KCNQ1: variants seen among roughly 807,000 people sequenced by gnomAD.
KCNQ1 encodes the protein potassium voltage-gated channel subfamily Q member 1.
A neutral mutation model predicts 72.4 loss-of-function variants in KCNQ1; 49 were observed. That is an observed-to-expected ratio of 0.68 (90% CI 0.54 to 0.86). The LOEUF (loss-of-function observed/expected upper bound fraction) is 0.86. KCNQ1 is among the 40% of genes least tolerant of loss of function. The probability of loss-of-function intolerance (pLI) is 0.00; values close to 1 mark genes in which losing one functional copy is unlikely to be tolerated. For synonymous variants in KCNQ1, 450 were observed against 412.6 expected (o/e 1.09, Z -1.10); for missense variants, 790 against 945.1 (o/e 0.84, Z 2.15).
intron 2 of KCNQ1, among the ~76,000 whole-genome samples, chr11:2,548,756 T>C (rs1211417706): frequency 6.6e-6 from 1 of 152,234 alleles, no homozygotes; most frequent in Non-Finnish European, 1.5e-5. Context: ...GGTGTTGGGC[T>C]CTGGCGGTGG....
At position 2,654,650 on chromosome 11, in the gene KCNQ1, G is replaced by C. The variant is rs1849811188; in HGVS notation, c.1394-7311G>C. On this transcript the variant is annotated intron_variant, in intron 10 of 15. Coordinates refer to ENST00000155840, the MANE Select transcript of KCNQ1 (RefSeq NM_000218.3). The surrounding 1 kb of genome is among the most constrained non-coding windows in gnomAD (Gnocchi z 6.4). Reference sequence around the variant, plus strand: ...CCAGACACTGGCGAGAGTCTCTTGAGGGCAGAGGGCAGCAGAGATGGGCTG... The same window carrying C: ...CCAGACACTGGCGAGAGTCTCTTGACGGCAGAGGGCAGCAGAGATGGGCTG... 1 of 398,840 alleles carries C rather than the reference G, an allele frequency of 2.5e-6. No individual in the cohort carries two copies. The highest frequency in any genetic ancestry group is 1.3e-4 in the South Asian group (1 of 7,868). 24.7% of individuals were successfully genotyped at this position (398,840 alleles called of 1,614,324 possible). A position where few individuals can be genotyped will look rare whatever the true frequency, so the allele number is the denominator to read the frequency against.
intron 15 of KCNQ1, among the ~76,000 whole-genome samples, chr11:2,819,793 G>A (rs1310447864): frequency 6.6e-6 from 1 of 152,140 alleles, no homozygotes; most frequent in African/African-American, 2.4e-5. Flanking sequence ...TGGCATTTGT[G>A]TCTCCCCAAT....
At chr11:2,773,130 C>T (rs1846629555) in intron 12 of KCNQ1, among the ~76,000 whole-genome samples, 2 of 151,038 alleles carry the variant, frequency 1.3e-5, no homozygotes, top group Admixed American at 6.6e-5. Flanking sequence ...GAGAAGAGAG[C>T]GTAGAATCTC....
chr11:2,589,131 G>A (rs912701827), intron 10 of KCNQ1, among the ~76,000 whole-genome samples: 1 of 152,228 alleles, frequency 6.6e-6, no homozygotes, highest in African/African-American at 2.4e-5. Context: ...ACTGAGGGAA[G>A]GGTGTGTTCC....
At chr11:2,554,765 T>C (rs1319573697) in intron 2 of KCNQ1, among the ~76,000 whole-genome samples, 6 of 152,354 alleles carry the variant, frequency 3.9e-5, no homozygotes, top group African/African-American at 1.4e-4. Context: ...CCGTTTACTG[T>C]GTAAACTTCA....
Position 2,662,095 on chromosome 11 carries a change from T to TGTGC in KCNQ1, c.1514+18_1514+21dup. ...CCACATCTCACAGTGAGTGCCTACA[T>TGTGC]GTGCGTGAAGGGCTGGGCTGGAGGG... On this transcript the variant is annotated intron_variant, in intron 11 of 15. Transcript: ENST00000155840. 5.0e-6 allele frequency: 8 copies of TGTGC among 1,614,098 alleles called. No homozygotes were observed. The highest frequency in any genetic ancestry group is 6.8e-6 in the Non-Finnish European group (8 of 1,180,016).
rs1375770823 is a variant in KCNQ1, at chr11:2,848,682, C to G, written c.*679C>G. ...CCACTTCCCTGGGTTAGACTGCCAG[C>G]TCTTCCTAGCTGGAGAGGAGCCCTG... is the stretch of plus-strand genomic sequence containing the variant. On this transcript the variant is annotated 3_prime_UTR_variant, in exon 16 of 16. Transcript: ENST00000155840. 3 of 449,946 alleles carry G rather than the reference C, an allele frequency of 6.7e-6. No homozygotes were observed. In the Admixed American group the frequency reaches 7.1e-5, roughly 11 times the overall value. The allele number at this position is 449,946 out of a possible 1,614,324, so 27.9% of individuals were successfully genotyped here. A position where few individuals can be genotyped will look rare whatever the true frequency, so the allele number is the denominator to read the frequency against.
rs995403688 is a variant in KCNQ1, at chr11:2,720,646, G to A, written c.1515-48198G>A. Among the ~76,000 whole-genome samples the A allele has an allele frequency of 3.9e-5, 6 of 152,176 alleles. No homozygotes were observed. The highest frequency in any genetic ancestry group is 1.2e-4 in the African/African-American group (5 of 41,434). Reference sequence around the variant, plus strand: ...CTGGGTGTCAAGGCTGAAGAGGGGAGCCTCCTTGGCCACTGAAACGGAAAC... The same window carrying A: ...CTGGGTGTCAAGGCTGAAGAGGGGAACCTCCTTGGCCACTGAAACGGAAAC... On this transcript the variant is annotated intron_variant, in intron 11 of 15. Coordinates refer to ENST00000155840, the MANE Select transcript of KCNQ1 (RefSeq NM_000218.3). This position sits in a 1 kb window ranked among gnomAD's most constrained non-coding sequence, Gnocchi z 5.1.
rs1403934655 is a variant in KCNQ1, at chr11:2,617,523, T to C, written c.1393+28669T>C. 2.5e-6 allele frequency: 1 copy of C among 398,320 alleles called. No individual in the cohort carries two copies. Among genetic ancestry groups the C allele is most frequent in the Non-Finnish European group, 4.4e-6 (1 of 225,962 alleles). 24.7% of individuals were successfully genotyped at this position (398,320 alleles called of 1,614,324 possible). ...CATGCATATAATGCCACAATGAATA[T>C]AGGAGCGCAGATATCTTTATGAGGT... On this transcript the variant is annotated intron_variant, in intron 10 of 15. Coordinates refer to ENST00000155840, the MANE Select transcript of KCNQ1 (RefSeq NM_000218.3). This position sits in a 1 kb window ranked among gnomAD's most constrained non-coding sequence, Gnocchi z 4.6.
At position 2,772,164 on chromosome 11, in the gene KCNQ1, A is replaced by G. The variant is rs1846612854; in HGVS notation, c.1590+3245A>G. ...GCAGTGAGGAGCTGTGTGTGGCTCC[A>G]GGGGCTCCCCTAGCCCACCTCTCAG... On this transcript the variant is annotated intron_variant, in intron 12 of 15. Coordinates refer to ENST00000155840, the MANE Select transcript of KCNQ1 (RefSeq NM_000218.3). The surrounding 1 kb of genome is among the most constrained non-coding windows in gnomAD (Gnocchi z 6.6). Among the ~76,000 whole-genome samples, 1 of 152,058 alleles carries G rather than the reference A, an allele frequency of 6.6e-6. No individual in the cohort carries two copies. Among genetic ancestry groups the G allele is most frequent in the African/African-American group, 2.4e-5 (1 of 41,412 alleles).
chr11:2,455,344 C>G (rs538728390), intron 1 of KCNQ1, among the ~76,000 whole-genome samples: 1 of 152,188 alleles, frequency 6.6e-6, no homozygotes, highest in African/African-American at 2.4e-5. Flanking sequence ...GTGATCCACC[C>G]GCCTTGGCCT....
chr11:2,665,248 G>A lies in KCNQ1; in HGVS notation c.1514+3167G>A, dbSNP rs552338467. ...TTGAATGGGGCACAAGAGAGTCCCTGCCAGCCTCAAACTCCCTGAGCCTGT... is the reference window on the plus strand; with the variant it reads ...TTGAATGGGGCACAAGAGAGTCCCTACCAGCCTCAAACTCCCTGAGCCTGT... On this transcript the variant is annotated intron_variant, in intron 11 of 15. Transcript: ENST00000155840. 19 of 398,572 alleles carry A rather than the reference G, an allele frequency of 4.8e-5. No homozygotes were observed. In the South Asian group the frequency reaches 2.3e-3, roughly 48 times the overall value. The allele number at this position is 398,572 out of a possible 1,614,324, so 24.7% of individuals were successfully genotyped here.
intron 10 of KCNQ1, chr11:2,641,816 T>C (rs1329826437): frequency 1.0e-5 from 4 of 398,334 alleles, no homozygotes; most frequent in Admixed American, 4.4e-5. Flanking sequence ...GATTTTAGTA[T>C]AGCAAGAGAT....
At chr11:2,805,772 C>T (rs920452224) in intron 15 of KCNQ1, among the ~76,000 whole-genome samples, 1 of 152,130 alleles carries the variant, frequency 6.6e-6, no homozygotes, top group South Asian at 2.1e-4. Context: ...CTGGGGAAGC[C>T]GAGGAGAAAT....
At chr11:2,456,579 T>G (rs1846192694) in intron 1 of KCNQ1, among the ~76,000 whole-genome samples, 1 of 151,226 alleles carries the variant, frequency 6.6e-6, no homozygotes, top group Non-Finnish European at 1.5e-5. Flanking sequence ...ATATTCAAAG[T>G]CTACAAAGAA....
chr11:2,812,297 TCTTTC>T lies in KCNQ1; in HGVS notation c.1794+34262_1794+34266del, dbSNP rs1038939461. ...CCCTCCCTCCTTCTCTCTCCTTCCT[TCTTTC>T]CCCCTTCCCTCCTTCCCTCCCTCTC... On this transcript the variant is annotated intron_variant, in intron 15 of 15. Coordinates refer to ENST00000155840, the MANE Select transcript of KCNQ1 (RefSeq NM_000218.3). Among the ~76,000 whole-genome samples the T allele has an allele frequency of 5.9e-5, 9 of 152,172 alleles. 1 individual carries two copies. The highest frequency in any genetic ancestry group is 1.9e-4 in the East Asian group (1 of 5,152).
Position 2,612,498 on chromosome 11 carries a change from T to C in KCNQ1, c.1393+23644T>C, listed in dbSNP as rs767210256. The C allele has an allele frequency of 1.0e-5, 4 of 398,160 alleles. No individual in the cohort carries two copies. The highest frequency in any genetic ancestry group is 1.3e-5 in the Non-Finnish European group (3 of 226,050). 24.7% of individuals were successfully genotyped at this position (398,160 alleles called of 1,614,324 possible). ...TGGATCTGCGTTGAAGTTCATTGAT[T>C]CTTTCTTCTGCCAGGTCAAATTTGC... On this transcript the variant is annotated intron_variant, in intron 10 of 15. Transcript: ENST00000155840. This position sits in a 1 kb window ranked among gnomAD's most constrained non-coding sequence, Gnocchi z 5.5.
chr11:2,608,657 T>G lies in KCNQ1; in HGVS notation c.1393+19803T>G. 1 of 398,558 alleles carries G rather than the reference T, an allele frequency of 2.5e-6. No homozygotes were observed. Among genetic ancestry groups the G allele is most frequent in the Non-Finnish European group, 4.4e-6 (1 of 226,042 alleles). The allele number at this position is 398,558 out of a possible 1,614,324, so 24.7% of individuals were successfully genotyped here. A position where few individuals can be genotyped will look rare whatever the true frequency, so the allele number is the denominator to read the frequency against. ...CAAAAAATATTTTGTAGAGATAGGG[T>G]CTTGCTTTGTTGTGCATGCTATTCT... On this transcript the variant is annotated intron_variant, in intron 10 of 15. Coordinates refer to ENST00000155840, the MANE Select transcript of KCNQ1 (RefSeq NM_000218.3). This position sits in a 1 kb window ranked among gnomAD's most constrained non-coding sequence, Gnocchi z 4.6.
Position 2,703,092 on chromosome 11 carries a change from CCAG to C in KCNQ1, c.1514+41013_1514+41015del, listed in dbSNP as rs923316249. 1.3e-5 allele frequency among the ~76,000 whole-genome samples: 2 copies of C among 152,176 alleles called. No individual in the cohort carries two copies. The highest frequency in any genetic ancestry group is 2.9e-5 in the Non-Finnish European group (2 of 68,020). On this transcript the variant is annotated intron_variant, in intron 11 of 15. Coordinates refer to ENST00000155840, the MANE Select transcript of KCNQ1 (RefSeq NM_000218.3). The surrounding 1 kb of genome is among the most constrained non-coding windows in gnomAD (Gnocchi z 6.4). ...CATGTGAGGCTGGGCGGACTCCAGG[CCAG>C]CCCCAGAGGCAGATGGGGGCTGCCA... is the stretch of plus-strand genomic sequence containing the variant.
Sources: allele counts gnomAD v4.1 joint callset (sites outside exome capture counted in the v4.1 genomes callset), GRCh38; gene constraint gnomAD v4.1.1; non-coding constraint Gnocchi (gnomAD v3.1); transcripts MANE v1.5; gene names NCBI Gene and HGNC (gene_info 2026-07-23, HGNC 2026-07-21).